Variants in CASR observed in about 807,000 individuals in gnomAD.
CASR encodes calcium sensing receptor, also known as extracellular calcium-sensing receptor.
Under a neutral mutation model 69.1 loss-of-function variants are expected in CASR, and 23 were observed. That is an observed-to-expected ratio of 0.33 (90% confidence interval 0.24 to 0.47). CASR has a LOEUF of 0.47. CASR is among the 20% of genes least tolerant of loss of function. The pLI is 1.00. For missense variants in CASR, 924 were observed against 1,356.1 expected, an observed-to-expected ratio of 0.68 and a Z score of 5.00; for synonymous variants, 541 against 544.7, an observed-to-expected ratio of 0.99 and a Z score of 0.10.
chr3:122,213,006 C>G (rs2107596672), intron 1 of CASR, among the ~76,000 whole-genome samples: 1 of 152,246 alleles, frequency 6.6e-6, no homozygotes, highest in Non-Finnish European at 1.5e-5. Context: ...TTGTGAGACT[C>G]AAGGTAAAAT....
chr3:122,284,187 A>G lies in CASR; in HGVS notation c.2233A>G (p.Thr745Ala). The change falls in exon 7 of 7, where the codon ACC (threonine) becomes GCC (alanine). Residue 745 changes from threonine (T) to alanine (A), a missense_variant. By Grantham distance (58) the Thr-to-Ala change is moderately conservative. This residue lies in a region of CASR where 184 missense variants were observed against 278.8 expected (regional missense o/e 0.66). Transcript: ENST00000639785. ...TGTCATCTGTGTGATCTGGCTCTAC[A>G]CCGCGCCCCCGTCAAGCTACCGCAA... ...QIVICVIWLY[T>A]APPSSYRNQE... 1 of 1,613,792 alleles carries G rather than the reference A, an allele frequency of 6.2e-7. No individual in the cohort carries two copies. Among genetic ancestry groups the G allele is most frequent in the Non-Finnish European group, 8.5e-7 (1 of 1,179,970 alleles).
chr3:122,189,165 A>G (rs376401084), intron 1 of CASR, among the ~76,000 whole-genome samples: 6 of 152,354 alleles, frequency 3.9e-5, no homozygotes, highest in Middle Eastern at 3.4e-3. Flanking sequence ...TGCCGTGGAC[A>G]GTCTAGTTTG....
intron 1 of CASR, among the ~76,000 whole-genome samples, chr3:122,220,780 C>A (rs2074162189): frequency 6.6e-6 from 1 of 152,100 alleles, no homozygotes; most frequent in Non-Finnish European, 1.5e-5. Flanking sequence ...TTGAAACCAG[C>A]CTGGCCAACA....
Position 122,284,732 on chromosome 3 carries a change from G to A in CASR, c.2778G>A (p.Gln926=), listed in dbSNP as rs1423302864. 6.2e-7 allele frequency: 1 copy of A among 1,614,152 alleles called. No homozygotes were observed. Among genetic ancestry groups the A allele is most frequent in the Non-Finnish European group, 8.5e-7 (1 of 1,180,008 alleles). Residue 926 remains glutamine, a synonymous_variant, in exon 7 of 7, where the codon CAG becomes CAA. Transcript: ENST00000639785. ...SKSNSEDPFP[Q]PERQKQQQPL... ...GCAACAGCGAAGACCCATTCCCACA[G>A]CCCGAGAGGCAGAAGCAGCAGCAGC...
At chr3:122,280,132 C>T (rs1488670674) in intron 5 of CASR, among the ~76,000 whole-genome samples, 1 of 152,186 alleles carries the variant, frequency 6.6e-6, no homozygotes, top group Non-Finnish European at 1.5e-5. Context: ...TCAATAGACA[C>T]AGAAAAGGCC....
chr3:122,218,026 C>G (rs764395642), intron 1 of CASR, among the ~76,000 whole-genome samples: 1 of 152,108 alleles, frequency 6.6e-6, no homozygotes, highest in African/African-American at 2.4e-5. Flanking sequence ...GAATTGTGCT[C>G]TTGACTCTAA....
chr3:122,275,789 A>G (rs753981379), intron 4 of CASR, 23 bp from the exon 5 acceptor site: 1 of 1,506,794 alleles, frequency 6.6e-7, no homozygotes, highest in Non-Finnish European at 9.2e-7. Context: ...TGGGGCTTGT[A>G]CTCATTCTTT....
intron 1 of CASR, among the ~76,000 whole-genome samples, chr3:122,189,478 T>G (rs1479482870): frequency 1.3e-5 from 2 of 152,226 alleles, no homozygotes; most frequent in Admixed American, 1.3e-4. Context: ...TAATGTGTTT[T>G]TCATCTATGA....
chr3:122,255,835 G>A (rs2074549011), intron 2 of CASR, among the ~76,000 whole-genome samples: 1 of 152,118 alleles, frequency 6.6e-6, no homozygotes, highest in Non-Finnish European at 1.5e-5. Context: ...ACAATACAAT[G>A]GAGTATAAAA....
chr3:122,275,956 G>A lies in CASR; in HGVS notation c.1522G>A (p.Val508Ile), dbSNP rs755752235. 3.1e-6 allele frequency: 5 copies of A among 1,614,124 alleles called. No individual in the cohort carries two copies. In the South Asian group the frequency reaches 3.3e-5, roughly 11 times the overall value. The change falls in exon 5 of 7, where the codon GTC becomes ATC. Residue 508 changes from valine (V) to isoleucine (I), a missense_variant. Around this residue, in one of 8 missense-constraint regions of CASR, gnomAD observed 310 missense variants for 395.7 expected, o/e 0.78. Coordinates refer to ENST00000639785, the MANE Select transcript of CASR (RefSeq NM_000388.4). Reference protein sequence around the residue: ...PEDGSIVFKEVGYYNVYAKKG... With the variant: ...PEDGSIVFKEIGYYNVYAKKG... ...GGATGGCTCCATCGTGTTTAAGGAA[G>A]TCGGGTATTACAACGTCTATGCCAA...
chr3:122,218,761 G>C (rs1178415537), intron 1 of CASR, among the ~76,000 whole-genome samples: 1 of 152,180 alleles, frequency 6.6e-6, no homozygotes, highest in Non-Finnish European at 1.5e-5. Flanking sequence ...GAGGGGATTG[G>C]AACTGAAGAG....
intron 1 of CASR, among the ~76,000 whole-genome samples, chr3:122,232,017 G>A (rs977591325): frequency 6.6e-6 from 1 of 152,072 alleles, no homozygotes; most frequent in African/African-American, 2.4e-5. Context: ...GGACGACGTG[G>A]GGATGGGATC....
Position 122,271,786 on chromosome 3 carries a change from A to T in CASR, c.1378-4026A>T, listed in dbSNP as rs113112252. Reference sequence around the variant, plus strand: ...CCCCCAAAGCCCCAGTCTTAGACAAACACTGATCTACTTTCTGCTTCTATA... The same window carrying T: ...CCCCCAAAGCCCCAGTCTTAGACAATCACTGATCTACTTTCTGCTTCTATA... On this transcript the variant is annotated intron_variant, in intron 4 of 6. Transcript: ENST00000639785. 6.8e-3 allele frequency among the ~76,000 whole-genome samples: 1,029 copies of T among 152,268 alleles called. 9 individuals carry two copies. Among genetic ancestry groups the T allele is most frequent in the African/African-American group, 0.024 (980 of 41,534 alleles).
At chr3:122,251,061 C>A (rs1251034574) in intron 1 of CASR, among the ~76,000 whole-genome samples, 1 of 152,166 alleles carries the variant, frequency 6.6e-6, no homozygotes, top group Non-Finnish European at 1.5e-5. Context: ...CTGGGATGGT[C>A]ATGGATGTTC....
Position 122,254,485 on chromosome 3 carries a change from GTGAT to G in CASR, c.185+118_185+121del, listed in dbSNP as rs1161553930. Reference sequence around the variant, plus strand: ...ACTTTGTCCTATCTTTTCAAGAATAGTGATTGATTGGTAATCATGCTGAAGCTTA... The same window carrying G: ...ACTTTGTCCTATCTTTTCAAGAATAGTGATTGGTAATCATGCTGAAGCTTA... On this transcript the variant is annotated intron_variant, in intron 2 of 6. Coordinates refer to ENST00000639785, the MANE Select transcript of CASR (RefSeq NM_000388.4). 3.4e-5 allele frequency: 37 copies of G among 1,080,218 alleles called. No homozygotes were observed. The Admixed American group carries it at 4.4e-4, about 13-fold the overall frequency. The allele number at this position is 1,080,218 out of a possible 1,614,324, so 66.9% of individuals were successfully genotyped here.
intron 1 of CASR, among the ~76,000 whole-genome samples, chr3:122,190,002 C>A (rs2073824222): frequency 6.6e-6 from 1 of 152,152 alleles, no homozygotes; most frequent in Non-Finnish European, 1.5e-5. Flanking sequence ...TCAGAGACGC[C>A]AGCTGTGGTG....
At chr3:122,279,519 G>A (rs1364871335) in intron 5 of CASR, among the ~76,000 whole-genome samples, 1 of 152,178 alleles carries the variant, frequency 6.6e-6, no homozygotes, top group Non-Finnish European at 1.5e-5. Context: ...TGCTAGTAGA[G>A]TTAGTGGTGA....
intron 1 of CASR, among the ~76,000 whole-genome samples, chr3:122,247,957 A>AT (rs1051983509): frequency 3.9e-5 from 6 of 151,986 alleles, no homozygotes; most frequent in South Asian, 2.1e-4. Context: ...CTGTCTTTGC[A>AT]TTTTTCCAAC....
intron 5 of CASR, among the ~76,000 whole-genome samples, chr3:122,280,676 T>C (rs2074877864): frequency 6.6e-6 from 1 of 152,304 alleles, no homozygotes; most frequent in South Asian, 2.1e-4. Context: ...TAGAAGATAA[T>C]GTCAATCATC....
Sources: gnomAD v4.1 joint callset for allele counts (sites outside exome capture counted in the v4.1 genomes callset) on GRCh38, gnomAD v4.1.1 for gene constraint, gnomAD v4.1.1 regional missense constraint, MANE v1.5 for transcripts, NCBI Gene and HGNC (gene_info 2026-07-23, HGNC 2026-07-21) for gene names.